Variants in FRMPD4 observed in about 807,000 individuals in gnomAD.
The protein encoded by FRMPD4 is FERM and PDZ domain containing 4.
A neutral mutation model predicts 94.1 loss-of-function variants in FRMPD4; 22 were observed. That is an observed-to-expected ratio of 0.23 (90% CI 0.17 to 0.33). FRMPD4 has a LOEUF of 0.33. Among genes scored for constraint, FRMPD4 ranks in the 10% least tolerant of loss-of-function variants. The probability of loss-of-function intolerance (pLI) is 1.00; values close to 1 mark genes in which losing one functional copy is unlikely to be tolerated. For missense variants in FRMPD4, 1,111 were observed against 1,339.9 expected (o/e 0.83, Z 2.67); for synonymous variants, 631 against 548.6 (o/e 1.15, Z -2.10).
intron 1 of FRMPD4, among the ~76,000 whole-genome samples, chrX:12,330,992 C>G (rs948969256): frequency 2.7e-5 from 3 of 111,557 alleles, no homozygotes; most frequent in Non-Finnish European, 3.8e-5. Context: ...TTAGACTTTA[C>G]AAGCCATACA....
intron 1 of FRMPD4, among the ~76,000 whole-genome samples, chrX:12,294,716 G>T (rs190055628): frequency 9.0e-6 from 1 of 111,587 alleles, no homozygotes; most frequent in East Asian, 2.8e-4. Flanking sequence ...ACCAGTGAAA[G>T]GACTGTGTCA....
chrX:12,665,443 CAA>C (rs59252457), intron 4 of FRMPD4, among the ~76,000 whole-genome samples: 48 of 93,114 alleles, frequency 5.2e-4, no homozygotes, highest in Admixed American at 8.2e-4. Flanking sequence ...GACTCCGTCT[CAA>C]AAAAAAAAAA....
chrX:12,288,377 A>G (rs1452550942), intron 1 of FRMPD4, among the ~76,000 whole-genome samples: 2 of 111,739 alleles, frequency 1.8e-5, no homozygotes, highest in African/African-American at 6.5e-5. Context: ...CTAGAAACTA[A>G]GGGAGATAAT....
intron 7 of FRMPD4, 21 bp from the exon 8 acceptor site, chrX:12,690,174 T>C (rs1798796276): frequency 8.4e-7 from 1 of 1,192,180 alleles, no homozygotes; most frequent in African/African-American, 1.8e-5. Flanking sequence ...GGTCTCATCA[T>C]GTTCATGTTT....
intron 3 of FRMPD4, among the ~76,000 whole-genome samples, chrX:11,903,568 T>C (rs938998449): frequency 8.9e-6 from 1 of 112,380 alleles, no homozygotes; most frequent in Non-Finnish European, 1.9e-5. Context: ...AGTCAAGACA[T>C]TTTTAAATTA....
At chrX:12,062,508 G>C (rs768340940) in intron 3 of FRMPD4, among the ~76,000 whole-genome samples, 7 of 109,526 alleles carry the variant, frequency 6.4e-5, no homozygotes, top group African/African-American at 2.3e-4. Flanking sequence ...TTTGTTTTTT[G>C]AGACAGGGTC....
chrX:12,015,395 A>G (rs1320955181), intron 3 of FRMPD4, among the ~76,000 whole-genome samples: 1 of 111,177 alleles, frequency 9.0e-6, no homozygotes, highest in Non-Finnish European at 1.9e-5. Context: ...TGATCATTTC[A>G]TCTTCCCCTC....
chrX:12,463,317 C>T (rs181205124), intron 1 of FRMPD4, among the ~76,000 whole-genome samples: 10 of 111,078 alleles, frequency 9.0e-5, no homozygotes, highest in Admixed American at 5.7e-4. Context: ...TCTAGAGGGA[C>T]TACTTGAAAA....
chrX:12,613,055 C>G (rs1188854131), intron 3 of FRMPD4, among the ~76,000 whole-genome samples: 2 of 111,748 alleles, frequency 1.8e-5, no homozygotes, highest in African/African-American at 6.5e-5. Context: ...GTGTTCATTT[C>G]AATTACTAAA....
intron 4 of FRMPD4, among the ~76,000 whole-genome samples, chrX:12,655,309 G>A (rs903287334): frequency 6.3e-5 from 7 of 111,970 alleles, no homozygotes; most frequent in Non-Finnish European, 1.3e-4. Context: ...ATTGTTCAGT[G>A]TGGTTTCATG....
At chrX:12,607,513 C>T (rs1328795913) in intron 2 of FRMPD4, among the ~76,000 whole-genome samples, 1 of 111,844 alleles carries the variant, frequency 8.9e-6, no homozygotes, top group Admixed American at 9.5e-5. Flanking sequence ...TGAGAGGCTC[C>T]ACATTTTCAT....
chrX:12,391,088 C>T (rs1239056944), intron 1 of FRMPD4, among the ~76,000 whole-genome samples: 1 of 111,947 alleles, frequency 8.9e-6, no homozygotes, highest in Non-Finnish European at 1.9e-5. Flanking sequence ...TCATAAACTT[C>T]TTACAGAACA....
intron 1 of FRMPD4, among the ~76,000 whole-genome samples, chrX:12,441,962 C>T (rs1352562852): frequency 1.8e-5 from 2 of 110,619 alleles, no homozygotes; most frequent in Non-Finnish European, 3.8e-5. Flanking sequence ...TGGGATGTTT[C>T]CAAGCACAGT....
chrX:12,308,461 A>G (rs191309956), intron 1 of FRMPD4, among the ~76,000 whole-genome samples: 29 of 111,371 alleles, frequency 2.6e-4, no homozygotes, highest in African/African-American at 9.1e-4. Context: ...TCCCTTGCCT[A>G]TCTTTTCATT....
intron 1 of FRMPD4, among the ~76,000 whole-genome samples, chrX:12,266,179 A>T (rs2054275057): frequency 9.2e-6 from 1 of 108,594 alleles, no homozygotes; most frequent in Admixed American, 9.8e-5. Context: ...CAAAAAATGA[A>T]CAGGCCATAG....
At chrX:12,163,462 TAAAAAAAAAAA>T (rs201319402) in intron 1 of FRMPD4, among the ~76,000 whole-genome samples, 3 of 67,661 alleles carry the variant, frequency 4.4e-5, no homozygotes, top group Admixed American at 1.6e-4. Flanking sequence ...TGACCCTTTG[TAAAAAAAAAAA>T]AAAAAAAAAA....
intron 3 of FRMPD4, among the ~76,000 whole-genome samples, chrX:12,132,099 G>T (rs908365063): frequency 1.8e-5 from 2 of 111,587 alleles, no homozygotes; most frequent in South Asian, 7.6e-4. Flanking sequence ...GTAGGCCATC[G>T]CAATTATCCA....
At chrX:12,704,710 A>G (rs1304186982) in intron 11 of FRMPD4, among the ~76,000 whole-genome samples, 2 of 112,691 alleles carry the variant, frequency 1.8e-5, no homozygotes, top group African/African-American at 6.4e-5. Context: ...TCCGTACTGT[A>G]GCAGGGAGGT....
intron 4 of FRMPD4, among the ~76,000 whole-genome samples, chrX:12,638,889 C>T (rs2059467552): frequency 9.0e-6 from 1 of 111,184 alleles, no homozygotes; most frequent in African/African-American, 3.3e-5. Flanking sequence ...GCTTGATCCT[C>T]ACCACTCTAC....
Sources: allele counts gnomAD v4.1 joint callset (sites outside exome capture counted in the v4.1 genomes callset), GRCh38; gene constraint gnomAD v4.1.1; transcripts MANE v1.5; gene names NCBI Gene and HGNC (gene_info 2026-07-23, HGNC 2026-07-21).